Variants in SREBF2 observed in about 807,000 individuals in gnomAD.
SREBF2 encodes the protein sterol regulatory element-binding protein 2.
Under a neutral mutation model 113.1 loss-of-function variants are expected in SREBF2, and 55 were observed. The ratio of observed to expected loss-of-function variants is 0.49; its 90% confidence interval spans 0.39 to 0.61. The LOEUF (loss-of-function observed/expected upper bound fraction) is 0.61. Ranked by LOEUF, SREBF2 falls within the 20% of genes least tolerant of loss-of-function variation. SREBF2 has a pLI of 0.00. For missense variants in SREBF2, 1,349 were observed against 1,487.4 expected (o/e 0.91, Z 1.53); for synonymous variants, 593 against 605.7 (o/e 0.98, Z 0.31).
chr22:41,884,715 G>A (rs1378771079), intron 10 of SREBF2, 127 bp from the exon 11 acceptor site: 26 of 978,166 alleles, frequency 2.7e-5, no homozygotes, highest in Non-Finnish European at 3.9e-5. Flanking sequence ...GATCAGGCCT[G>A]TCTGATCACA....
intron 1 of SREBF2, among the ~76,000 whole-genome samples, chr22:41,864,259 T>TAC (rs1388382956): frequency 6.4e-4 from 42 of 65,230 alleles, no homozygotes; most frequent in Non-Finnish European, 1.2e-3. Context: ...TATATATATA[T>TAC]ATACACACAC....
Position 41,833,640 on chromosome 22 carries a change from G to C in SREBF2, c.88+282G>C, listed in dbSNP as rs1419599787. The C allele has an allele frequency of 8.6e-6, 3 of 350,434 alleles. No individual in the cohort carries two copies. The highest frequency in any genetic ancestry group is 1.5e-5 in the Non-Finnish European group (3 of 195,938). 21.7% of individuals were successfully genotyped at this position (350,434 alleles called of 1,614,324 possible). A position where few individuals can be genotyped will look rare whatever the true frequency, so the allele number is the denominator to read the frequency against. ...GCGCGGGGCTAGGGACGTCGCGGGG[G>C]CGTCTCAGGGAGCGGCCTAAGGAGA... On this transcript the variant is annotated intron_variant, in intron 1 of 18. Coordinates refer to ENST00000361204, the MANE Select transcript of SREBF2 (RefSeq NM_004599.4). The surrounding 1 kb of genome is among the most constrained non-coding windows in gnomAD (Gnocchi z 4.1).
In SREBF2 at chr22:41,897,147, T is replaced by C; in HGVS notation, c.2591T>C (p.Leu864Pro). 6.2e-7 allele frequency: 1 copy of C among 1,611,232 alleles called. No individual in the cohort carries two copies. Among genetic ancestry groups the C allele is most frequent in the South Asian group, 1.1e-5 (1 of 90,760 alleles). ...CCCCCACTCTCCAGGAGCTCCGTGC[T>C]CAAGTCCGCCCTGGGTAAGCACCTG... Reference protein sequence around the residue: ...MSPPLSRSSVLKSALGPDIIC... With the variant: ...MSPPLSRSSVPKSALGPDIIC... The change falls in exon 14 of 19, where the codon CTC (leucine) becomes CCC (proline). Residue 864 changes from leucine (L) to proline (P), a missense_variant. By Grantham distance (98) the Leu-to-Pro change is moderately conservative. Around this residue, in one of 2 missense-constraint regions of SREBF2, gnomAD observed 650 missense variants for 644.1 expected, o/e 1.01. Coordinates refer to ENST00000361204, the MANE Select transcript of SREBF2 (RefSeq NM_004599.4).
chr22:41,847,905 T>TTCA (rs2076891982), intron 1 of SREBF2, among the ~76,000 whole-genome samples: 1 of 137,562 alleles, frequency 7.3e-6, no homozygotes, highest in Non-Finnish European at 1.5e-5. Context: ...TTTATTTATT[T>TTCA]TCATTATTAT....
chr22:41,862,423 G>C (rs2077035577), intron 1 of SREBF2, among the ~76,000 whole-genome samples: 1 of 152,230 alleles, frequency 6.6e-6, no homozygotes, highest in Non-Finnish European at 1.5e-5. Context: ...GAGCAGGGGA[G>C]TGAGATGAGC....
At position 41,897,063 on chromosome 22, in the gene SREBF2, G is replaced by C; in HGVS notation, c.2507G>C (p.Ser836Thr). 6.2e-7 allele frequency: 1 copy of C among 1,612,578 alleles called. No homozygotes were observed. The highest frequency in any genetic ancestry group is 1.1e-5 in the South Asian group (1 of 90,796). ...DQEEESCEFS[S>T]ALEYLKLLHS... ...TCTTTTCTTCCTAGTGAATTCTCCA[G>C]TGCTCTGGAGTACTTGAAATTACTT... Residue 836 changes from serine to threonine, a missense_variant, in exon 14 of 19, where the codon AGT becomes ACT. This residue lies in a region of SREBF2 where 650 missense variants were observed against 644.1 expected (regional missense o/e 1.01). Transcript: ENST00000361204.
intron 13 of SREBF2, 43 bp downstream of exon 13, chr22:41,894,980 C>T (rs140098396): frequency 9.5e-5 from 145 of 1,524,274 alleles, no homozygotes; most frequent in African/African-American, 8.7e-4. Context: ...GACCTGTCCA[C>T]GCAGGCAACT....
At chr22:41,864,376 A>G (rs1350059513) in intron 1 of SREBF2, among the ~76,000 whole-genome samples, 58 of 135,296 alleles carry the variant, frequency 4.3e-4, no homozygotes, top group African/African-American at 1.5e-3. Context: ...GCTGGAGTGC[A>G]GTGGCACGAT....
intron 4 of SREBF2, 46 bp downstream of exon 4, chr22:41,871,081 C>G (rs756688627): frequency 1.9e-6 from 3 of 1,611,850 alleles, no homozygotes; most frequent in Non-Finnish European, 2.5e-6. Context: ...CCCTTTATTC[C>G]TGGAGGTGTT....
chr22:41,833,315 C>A lies in SREBF2; in HGVS notation c.45C>A (p.Thr15=). ...TGGGTGGTCTGGAGACCATGGAGAC[C>A]CTCACGGAGCTGGGCGACGAGCTGA... ...GELGGLETME[T]LTELGDELTL... is the part of the protein sequence containing the mutation. Residue 15 remains threonine, a synonymous_variant, in exon 1 of 19, where the codon ACC becomes ACA. Coordinates refer to ENST00000361204, the MANE Select transcript of SREBF2 (RefSeq NM_004599.4). The surrounding 1 kb of genome is among the most constrained non-coding windows in gnomAD (Gnocchi z 4.1). 1 of 1,534,730 alleles carries A rather than the reference C, an allele frequency of 6.5e-7. No homozygotes were observed. The highest frequency in any genetic ancestry group is 1.4e-5 in the African/African-American group (1 of 70,796).
At position 41,884,982 on chromosome 22, in the gene SREBF2, C is replaced by T. The variant is rs368349995; in HGVS notation, c.2179C>T (p.Arg727Trp). The change falls in exon 11 of 19, where the codon CGG (arginine) becomes TGG (tryptophan). Residue 727 changes from arginine (R) to tryptophan (W), a missense_variant. Arg to Trp is a moderately radical substitution (Grantham distance 101). This residue lies in a region of SREBF2 where 650 missense variants were observed against 644.1 expected (regional missense o/e 1.01). Transcript: ENST00000361204. Reference sequence around the variant, plus strand: ...GACTGCTGCCATGGGGCTCAAGACCCGGTGTGGAGGCAAGCTGGGCTTCCT... The same window carrying T: ...GACTGCTGCCATGGGGCTCAAGACCTGGTGTGGAGGCAAGCTGGGCTTCCT... ...HLTAAMGLKT[R>W]CGGKLGFLAS... 4.8e-5 allele frequency: 78 copies of T among 1,614,182 alleles called. No individual in the cohort carries two copies. The African/African-American group carries it at 6.3e-4, about 13-fold the overall frequency.
intron 10 of SREBF2, among the ~76,000 whole-genome samples, chr22:41,883,493 C>T (rs2077269423): frequency 6.6e-6 from 1 of 152,146 alleles, no homozygotes; most frequent in African/African-American, 2.4e-5. Context: ...CAGAATAAGC[C>T]CATACTCAGG....
intron 1 of SREBF2, among the ~76,000 whole-genome samples, chr22:41,835,613 C>A (rs1569365429): frequency 6.7e-6 from 1 of 149,474 alleles, no homozygotes; most frequent in Non-Finnish European, 1.5e-5. Flanking sequence ...CCTGGCCGAG[C>A]CACCGTGCCT....
chr22:41,875,269 G>C (rs763919231), intron 5 of SREBF2, 68 bp from the exon 6 acceptor site: 2 of 1,344,880 alleles, frequency 1.5e-6, no homozygotes, highest in African/African-American at 2.9e-5. Context: ...CCAAGTGCTA[G>C]GGCTCTGCTC....
At position 41,905,681 on chromosome 22, in the gene SREBF2, C is replaced by A; in HGVS notation, c.*21C>A. On this transcript the variant is annotated 3_prime_UTR_variant, in exon 19 of 19. Transcript: ENST00000361204. Reference sequence around the variant, plus strand: ...CCTGACCACCAGGCTCAGCCCACCCCTCCACCTCTCTCTCGATTTCTCTCT... The same window carrying A: ...CCTGACCACCAGGCTCAGCCCACCCATCCACCTCTCTCTCGATTTCTCTCT... 6.4e-7 allele frequency: 1 copy of A among 1,551,878 alleles called. No homozygotes were observed. Among genetic ancestry groups the A allele is most frequent in the East Asian group, 2.4e-5 (1 of 41,362 alleles).
intron 1 of SREBF2, among the ~76,000 whole-genome samples, chr22:41,866,261 AAG>A (rs1207384503): frequency 6.6e-6 from 1 of 152,114 alleles, no homozygotes; most frequent in Non-Finnish European, 1.5e-5. Context: ...AATCAGGAAA[AAG>A]AGAGAGGCTG....
intron 17 of SREBF2, chr22:41,904,614 C>T (rs1387679156): frequency 6.0e-6 from 4 of 671,648 alleles, no homozygotes; most frequent in Non-Finnish European, 1.1e-5. Flanking sequence ...TTTCTTGTCA[C>T]CAGTTGGGAA....
chr22:41,864,284 A>ACACACACAC (rs1491340321), intron 1 of SREBF2, among the ~76,000 whole-genome samples: 2 of 123,372 alleles, frequency 1.6e-5, no homozygotes, highest in African/African-American at 6.4e-5. Flanking sequence ...ACACACACAC[A>ACACACACAC]AAATATCAAA....
chr22:41,902,499 T>C (rs2077473180), intron 16 of SREBF2, among the ~76,000 whole-genome samples: 1 of 152,116 alleles, frequency 6.6e-6, no homozygotes, highest in South Asian at 2.1e-4. Context: ...CTGAGACACC[T>C]GTCTCCCTCT....
Sources: allele counts gnomAD v4.1 joint callset (sites outside exome capture counted in the v4.1 genomes callset), GRCh38; gene constraint gnomAD v4.1.1; regional missense constraint gnomAD v4.1.1; non-coding constraint Gnocchi (gnomAD v3.1); transcripts MANE v1.5; gene names NCBI Gene and HGNC (gene_info 2026-07-23, HGNC 2026-07-21).